The following TMEM161B variants were observed in gnomAD, a reference collection of about 807,000 sequenced individuals.
TMEM161B encodes transmembrane protein 161B.
Under a neutral mutation model 61.8 loss-of-function variants are expected in TMEM161B, and 34 were observed. The ratio of observed to expected loss-of-function variants is 0.55; its 90% CI spans 0.42 to 0.73. TMEM161B has a LOEUF of 0.73. Ranked by LOEUF, TMEM161B falls within the 30% of genes least tolerant of loss-of-function variation. TMEM161B has a pLI of 0.00. For missense variants in TMEM161B, 456 were observed against 558.5 expected, an observed-to-expected ratio of 0.82 and a Z score of 1.85; for synonymous variants, 167 against 192.8, an observed-to-expected ratio of 0.87 and a Z score of 1.11.
At chr5:88,238,596 A>C (rs1752238609) in intron 2 of TMEM161B, among the ~76,000 whole-genome samples, 1 of 152,010 alleles carries the variant, frequency 6.6e-6, no homozygotes, top group Non-Finnish European at 1.5e-5. Context: ...CACTTTATAG[A>C]CCCTAAAGAA....
chr5:88,262,703 C>G (rs1580746634), intron 1 of TMEM161B, among the ~76,000 whole-genome samples: 1 of 151,912 alleles, frequency 6.6e-6, no homozygotes, highest in East Asian at 1.9e-4. Flanking sequence ...TGTACAACAC[C>G]AAGAATGAAC....
intron 8 of TMEM161B, among the ~76,000 whole-genome samples, chr5:88,203,630 C>G (rs906897214): frequency 4.0e-5 from 6 of 151,148 alleles, no homozygotes; most frequent in Non-Finnish European, 7.4e-5. Context: ...AACTGAGGAA[C>G]CTTTTAACGT....
At position 88,198,931 on chromosome 5, in the gene TMEM161B, T is replaced by C. The variant is rs1750178035; in HGVS notation, c.1089+45A>G. Reference sequence around the variant, plus strand: ...AACCAATTTTTTTTTTTTTTTACAGTGCGGTTTTTGCTATTTTTCATTTTG... The same window carrying C: ...AACCAATTTTTTTTTTTTTTTACAGCGCGGTTTTTGCTATTTTTCATTTTG... On this transcript the variant is annotated intron_variant, in intron 10 of 11. Transcript: ENST00000296595. 3.3e-6 allele frequency: 5 copies of C among 1,522,808 alleles called. No individual in the cohort carries two copies. The South Asian group carries it at 6.4e-5, about 19-fold the overall frequency. 94.3% of individuals were successfully genotyped at this position (1,522,808 alleles called of 1,614,324 possible).
intron 1 of TMEM161B, among the ~76,000 whole-genome samples, chr5:88,244,943 T>C (rs1753369038): frequency 6.6e-6 from 1 of 151,910 alleles, no homozygotes. Context: ...GCTCTCAACT[T>C]GGAGTTGATG....
At chr5:88,264,709 T>A (rs1452247500) in intron 1 of TMEM161B, among the ~76,000 whole-genome samples, 1 of 152,152 alleles carries the variant, frequency 6.6e-6, no homozygotes, top group Non-Finnish European at 1.5e-5. Context: ...AATGATAGAC[T>A]GGATCACAAA....
chr5:88,258,316 G>A (rs80119112), intron 1 of TMEM161B, among the ~76,000 whole-genome samples: 1,750 of 152,040 alleles, frequency 0.012, 32 homozygotes, highest in African/African-American at 0.039. Flanking sequence ...TGCTATATTC[G>A]ACACGCAATA....
intron 1 of TMEM161B, among the ~76,000 whole-genome samples, chr5:88,258,634 A>C (rs1755303147): frequency 6.6e-6 from 1 of 152,188 alleles, no homozygotes; most frequent in Non-Finnish European, 1.5e-5. Context: ...AAAAAGGCCC[A>C]AAATCTCCAG....
At chr5:88,235,456 TG>T (rs1751687910) in intron 2 of TMEM161B, among the ~76,000 whole-genome samples, 1 of 152,122 alleles carries the variant, frequency 6.6e-6, no homozygotes, top group Non-Finnish European at 1.5e-5. Context: ...TATCTGGAGG[TG>T]GGAACTTTCA....
intron 5 of TMEM161B, among the ~76,000 whole-genome samples, chr5:88,218,653 A>C (rs902720423): frequency 2.0e-5 from 3 of 152,116 alleles, no homozygotes; most frequent in African/African-American, 7.2e-5. Flanking sequence ...GCACCACTGC[A>C]CTCCAGCCTA....
Position 88,264,090 on chromosome 5 carries a change from T to C in TMEM161B, c.3+4631A>G, listed in dbSNP as rs568969953. Among the ~76,000 whole-genome samples the C allele has an allele frequency of 1.6e-4, 25 of 152,130 alleles. No individual in the cohort carries two copies. In the South Asian group the frequency reaches 5.0e-3, roughly 30 times the overall value. ...AGTCTCTTATACTTGCATTTCTCTCTAGTAGGGGTTTAAGGTCCATCAATT... is the reference window on the plus strand; with the variant it reads ...AGTCTCTTATACTTGCATTTCTCTCCAGTAGGGGTTTAAGGTCCATCAATT... On this transcript the variant is annotated intron_variant, in intron 1 of 11. Transcript: ENST00000296595.
At chr5:88,216,245 CTG>C (rs1428711021) in intron 5 of TMEM161B, among the ~76,000 whole-genome samples, 1 of 151,754 alleles carries the variant, frequency 6.6e-6, no homozygotes, top group Admixed American at 6.6e-5. Context: ...GACCTTGTCT[CTG>C]GGGAAAAAAA....
chr5:88,230,079 G>T (rs369513702), intron 2 of TMEM161B, among the ~76,000 whole-genome samples: 2 of 151,982 alleles, frequency 1.3e-5, no homozygotes, highest in African/African-American at 2.4e-5. Flanking sequence ...GTGGTCGGGG[G>T]AGAGGGTGAG....
rs1002303641 is a variant in TMEM161B at position 88,201,936 on chromosome 5, A to G, written c.914+1026T>C. The G allele has an allele frequency of 4.4e-5, 10 of 226,770 alleles. No homozygotes were observed. In the Admixed American group the frequency reaches 4.9e-4, roughly 11 times the overall value. 14.0% of individuals were successfully genotyped at this position (226,770 alleles called of 1,614,324 possible). ...ACAAACTGGTACCAGGATCTAAAAG[A>G]AGGACACAATACAAAAGGTACACTG... On this transcript the variant is annotated intron_variant, in intron 9 of 11. Coordinates refer to ENST00000296595, the MANE Select transcript of TMEM161B (RefSeq NM_153354.5).
chr5:88,228,687 A>C (rs1750474374), intron 2 of TMEM161B, among the ~76,000 whole-genome samples, 159 bp from the exon 3 acceptor site: 1 of 152,206 alleles, frequency 6.6e-6, no homozygotes, highest in Non-Finnish European at 1.5e-5. Flanking sequence ...TTAAACTTTA[A>C]AAGGGTTTAG....
intron 1 of TMEM161B, among the ~76,000 whole-genome samples, chr5:88,242,798 C>A (rs1241728590): frequency 1.3e-5 from 2 of 151,408 alleles, no homozygotes; most frequent in Non-Finnish European, 3.0e-5. Context: ...AGAATAAAGA[C>A]TTTCAAAAAG....
intron 2 of TMEM161B, among the ~76,000 whole-genome samples, chr5:88,232,449 C>T (rs2112604620): frequency 6.6e-6 from 1 of 152,226 alleles, no homozygotes; most frequent in Non-Finnish European, 1.5e-5. Context: ...CAGAATAACT[C>T]ATGTATAAAG....
rs373761469 is a variant in TMEM161B, at chr5:88,219,741, T to A, written c.446+822A>T. Among the ~76,000 whole-genome samples, 37 of 152,088 alleles carry A rather than the reference T, an allele frequency of 2.4e-4. No homozygotes were observed. The East Asian group carries it at 2.7e-3, about 11-fold the overall frequency. Reference sequence around the variant, plus strand: ...ACTGAGCCAACCTATCTATCAAGTATGAGGGAAAAAATAAAGATAATTCCA... The same window carrying A: ...ACTGAGCCAACCTATCTATCAAGTAAGAGGGAAAAAATAAAGATAATTCCA... On this transcript the variant is annotated intron_variant, in intron 5 of 11. Transcript: ENST00000296595.
At chr5:88,241,943 G>C (rs1431472856) in intron 1 of TMEM161B, among the ~76,000 whole-genome samples, 1 of 151,672 alleles carries the variant, frequency 6.6e-6, no homozygotes, top group Non-Finnish European at 1.5e-5. Flanking sequence ...AAATAATAGA[G>C]CATCTTCTAT....
At chr5:88,196,541 T>C (rs1749679150) in intron 11 of TMEM161B, 53 bp from the exon 12 acceptor site, 5 of 1,494,334 alleles carry the variant, frequency 3.3e-6, no homozygotes, top group Non-Finnish European at 4.4e-6. Context: ...TTACCAAGCT[T>C]TTTATTAAAA....
Sources: allele counts gnomAD v4.1 joint callset (sites outside exome capture counted in the v4.1 genomes callset), GRCh38; gene constraint gnomAD v4.1.1; transcripts MANE v1.5; gene names NCBI Gene and HGNC (gene_info 2026-07-23, HGNC 2026-07-21).